Variants in KDR observed in about 807,000 individuals in gnomAD.
KDR encodes the protein kinase insert domain receptor, also known as vascular endothelial growth factor receptor 2.
A neutral mutation model predicts 160.9 loss-of-function variants in KDR; 43 were observed. The observed-to-expected ratio is 0.27, with a 90% CI of 0.21 to 0.34. KDR has a LOEUF of 0.34. Among genes scored for constraint, KDR ranks in the 10% least tolerant of loss-of-function variants. The probability of loss-of-function intolerance (pLI) is 1.00; values close to 1 mark genes in which losing one functional copy is unlikely to be tolerated. For synonymous variants in KDR, 617 were observed against 600.1 expected (o/e 1.03, Z -0.41); for missense variants, 1,469 against 1,666.4 (o/e 0.88, Z 2.06).
At position 55,081,951 on chromosome 4, in the gene KDR, C is replaced by G. The variant is rs748929903; in HGVS notation, c.3848+5G>C. On this transcript the variant is annotated splice_donor_5th_base_variant and intron_variant, in intron 29 of 29. Transcript: ENST00000263923. ...ATTTGTCTTTTTAATATGGCTGAGTCTTACCCAAAAGATGGAGATAATTTG... is the reference window on the plus strand; with the variant it reads ...ATTTGTCTTTTTAATATGGCTGAGTGTTACCCAAAAGATGGAGATAATTTG... 1.9e-6 allele frequency: 3 copies of G among 1,603,338 alleles called. No individual in the cohort carries two copies. The highest frequency in any genetic ancestry group is 2.6e-6 in the Non-Finnish European group (3 of 1,170,204).
Position 55,118,787 on chromosome 4 carries a change from A to C in KDR, c.175T>G (p.Leu59Val). The C allele has an allele frequency of 1.9e-6, 3 of 1,614,102 alleles. No individual in the cohort carries two copies. Among genetic ancestry groups the C allele is most frequent in the Non-Finnish European group, 2.5e-6 (3 of 1,179,952 alleles). ...LQITCRGQRD[L>V]DWLWPNNQSG... ...TGATTATTGGGCCAAAGCCAGTCCA[A>C]GTCCCTCTGTCCCCTGAAAAATTAA... The change falls in exon 3 of 30, where the codon TTG becomes GTG. Residue 59 changes from leucine (L) to valine (V), a missense_variant. Transcript: ENST00000263923.
chr4:55,089,064 C>A (rs1719941395), intron 25 of KDR, 91 bp from the exon 26 acceptor site: 5 of 944,254 alleles, frequency 5.3e-6, no homozygotes, highest in Non-Finnish European at 8.5e-6. Context: ...TTGTAAAGAG[C>A]TGACGAGGTG....
At chr4:55,117,936 A>T (rs1293561574) in intron 3 of KDR, among the ~76,000 whole-genome samples, 1 of 152,208 alleles carries the variant, frequency 6.6e-6, no homozygotes, top group African/African-American at 2.4e-5. Flanking sequence ...AATATGTGTG[A>T]CATTTATTTT....
chr4:55,099,432 A>G, intron 15 of KDR, among the ~76,000 whole-genome samples: 1 of 152,234 alleles, frequency 6.6e-6, no homozygotes. Context: ...TAAAAGCCAA[A>G]CATAGAAAGT....
At chr4:55,096,124 T>A in intron 19 of KDR, 105 bp downstream of exon 19, 1 of 716,656 alleles carries the variant, frequency 1.4e-6, no homozygotes. Context: ...CGCAAAGTAT[T>A]CTAAGCTAAG....
chr4:55,084,252 G>T (rs1184167438), intron 27 of KDR, among the ~76,000 whole-genome samples: 1 of 152,190 alleles, frequency 6.6e-6, no homozygotes, highest in African/African-American at 2.4e-5. Context: ...GCCCTTTAGA[G>T]AATTGACTCT....
chr4:55,090,271 A>G (rs941761246), intron 22 of KDR, among the ~76,000 whole-genome samples, 193 bp from the exon 23 acceptor site: 1 of 152,202 alleles, frequency 6.6e-6, no homozygotes, highest in Non-Finnish European at 1.5e-5. Context: ...TGCTTATTCC[A>G]TAAACAGCCC....
rs1720112086 is a variant in KDR, at chr4:55,094,896, C to T, written c.2877G>A (p.Leu959=). The change falls in exon 21 of 30, where the codon CTG becomes CTA. Residue 959 remains leucine, a synonymous_variant. Coordinates refer to ENST00000263923, the MANE Select transcript of KDR (RefSeq NM_002253.4). ...TGGTGATGCTGTCCAAGCGCCGTTT[C>T]AGATCCACAGGGATTGCTCCAACGT... ...KDYVGAIPVD[L]KRRLDSITSS... 2 of 1,613,992 alleles carry T rather than the reference C, an allele frequency of 1.2e-6. No individual in the cohort carries two copies. The highest frequency in any genetic ancestry group is 1.7e-6 in the Non-Finnish European group (2 of 1,179,898).
intron 22 of KDR, among the ~76,000 whole-genome samples, chr4:55,090,488 T>A (rs1198970016): frequency 6.6e-6 from 1 of 152,206 alleles, no homozygotes; most frequent in Non-Finnish European, 1.5e-5. Flanking sequence ...AACAAGGGGC[T>A]CTCATTGGTT....
intron 3 of KDR, among the ~76,000 whole-genome samples, chr4:55,117,458 G>C (rs1325740534): frequency 6.6e-6 from 1 of 152,216 alleles, no homozygotes; most frequent in African/African-American, 2.4e-5. Context: ...TGGAGGGAAG[G>C]AGGAGGGCAC....
At chr4:55,117,756 C>G (rs953268819) in intron 3 of KDR, among the ~76,000 whole-genome samples, 1 of 152,146 alleles carries the variant, frequency 6.6e-6, no homozygotes, top group Non-Finnish European at 1.5e-5. Flanking sequence ...TGTTTATCTT[C>G]ACTGAAAAGA....
intron 16 of KDR, among the ~76,000 whole-genome samples, chr4:55,098,485 A>G (rs1340012925): frequency 6.6e-6 from 1 of 152,114 alleles, no homozygotes; most frequent in East Asian, 1.9e-4. Context: ...ATTACACTAG[A>G]CAGTCCAAGC....
intron 2 of KDR, among the ~76,000 whole-genome samples, chr4:55,120,546 C>T (rs759360615): frequency 6.6e-6 from 1 of 152,078 alleles, no homozygotes; most frequent in Non-Finnish European, 1.5e-5. Context: ...GGCCCGAAGT[C>T]CATTATTTAT....
Position 55,114,133 on chromosome 4 carries a change from G to A in KDR, c.791C>T (p.Ser264Phe), listed in dbSNP as rs1438804033. 1.2e-6 allele frequency: 2 copies of A among 1,613,840 alleles called. No individual in the cohort carries two copies. The highest frequency in any genetic ancestry group is 1.7e-6 in the Non-Finnish European group (2 of 1,179,880). ...VGIDFNWEYP[S>F]SKHQHKKLVN... The stretch of plus-strand genomic sequence containing the variant: ...TTGAATCATTAGCGTTACCTTCGAA[G>A]AAGGGTATTCCCAGTTGAAGTCAAT... Residue 264 changes from serine to phenylalanine, a missense_variant, in exon 6 of 30, where the codon TCT becomes TTT. By Grantham distance (155) the Ser-to-Phe change is radical (BLOSUM62 -2). Around this residue, in one of 7 missense-constraint regions of KDR, gnomAD observed 792 missense variants for 840.9 expected, o/e 0.94. Coordinates refer to ENST00000263923, the MANE Select transcript of KDR (RefSeq NM_002253.4).
intron 2 of KDR, among the ~76,000 whole-genome samples, chr4:55,119,035 C>A (rs1236952722): frequency 1.3e-5 from 2 of 152,042 alleles, no homozygotes; most frequent in African/African-American, 2.4e-5. Context: ...ATGGTAAAAC[C>A]CTGTCTCTAC....
At chr4:55,110,939 G>A (rs1287866239) in intron 7 of KDR, among the ~76,000 whole-genome samples, 171 bp from the exon 8 acceptor site, 1 of 151,942 alleles carries the variant, frequency 6.6e-6, no homozygotes, top group Non-Finnish European at 1.5e-5. Context: ...CACACCTCCC[G>A]TGTTTCTCCC....
intron 25 of KDR, 79 bp from the exon 26 acceptor site, chr4:55,089,052 A>G: frequency 1.9e-6 from 2 of 1,028,334 alleles, no homozygotes; most frequent in Non-Finnish European, 3.0e-6. Context: ...ATGAGTACAC[A>G]TTTGTAAAGA....
intron 7 of KDR, among the ~76,000 whole-genome samples, chr4:55,112,186 G>A (rs1275921663): frequency 1.3e-5 from 2 of 151,970 alleles, no homozygotes; most frequent in African/African-American, 4.8e-5. Context: ...AACTACATGA[G>A]TCCACTTATA....
rs1321944827 is a variant in KDR at position 55,087,729 on chromosome 4, T to C, written c.3540A>G (p.Ile1180Met). Reference protein sequence around the residue: ...QDGKDYIVLPISETLSMEEDS... With the variant: ...QDGKDYIVLPMSETLSMEEDS... ...CCTCTTCCATGCTCAAAGTCTCTGA[T>C]ATCGGAAGAACAATGTAGTCTTTGC... Residue 1180 changes from isoleucine to methionine, a missense_variant, in exon 27 of 30, where the codon ATA becomes ATG. Ile to Met is a conservative substitution (Grantham distance 10). Around this residue, in one of 7 missense-constraint regions of KDR, gnomAD observed 132 missense variants for 195.9 expected, o/e 0.67. Coordinates refer to ENST00000263923, the MANE Select transcript of KDR (RefSeq NM_002253.4). The C allele has an allele frequency of 6.2e-7, 1 of 1,614,042 alleles. No individual in the cohort carries two copies. Among genetic ancestry groups the C allele is most frequent in the Non-Finnish European group, 8.5e-7 (1 of 1,179,992 alleles).
Sources: gnomAD v4.1 joint callset for allele counts (sites outside exome capture counted in the v4.1 genomes callset) on GRCh38, gnomAD v4.1.1 for gene constraint, gnomAD v4.1.1 regional missense constraint, MANE v1.5 for transcripts, NCBI Gene and HGNC (gene_info 2026-07-23, HGNC 2026-07-21) for gene names.